TBC1D32: variants seen among roughly 807,000 people sequenced by gnomAD.
TBC1D32 encodes the protein TBC1 domain family member 32.
A neutral mutation model predicts 170.3 loss-of-function variants in TBC1D32; 151 were observed. The observed-to-expected ratio is 0.89, with a 90% CI of 0.78 to 1.01. TBC1D32 has a LOEUF of 1.01. Ranked by LOEUF, TBC1D32 falls within the 50% of genes least tolerant of loss-of-function variation. The pLI, the probability that TBC1D32 is intolerant of heterozygous loss-of-function variation, is 0.00. For missense variants in TBC1D32, 1,464 were observed against 1,457.1 expected, an observed-to-expected ratio of 1.00 and a Z score of -0.08; for synonymous variants, 498 against 488.0, an observed-to-expected ratio of 1.02 and a Z score of -0.27.
At chr6:121,170,729 C>A (rs943257273) in intron 22 of TBC1D32, among the ~76,000 whole-genome samples, 1 of 151,838 alleles carries the variant, frequency 6.6e-6, no homozygotes, top group Non-Finnish European at 1.5e-5. Context: ...TTTAAAAGAC[C>A]ATGGGTAATT....
intron 15 of TBC1D32, among the ~76,000 whole-genome samples, chr6:121,258,929 T>C (rs1444710166): frequency 6.6e-6 from 1 of 151,792 alleles, no homozygotes; most frequent in African/African-American, 2.4e-5. Context: ...AATCTAACAT[T>C]TTATGCCTTA....
intron 21 of TBC1D32, among the ~76,000 whole-genome samples, chr6:121,215,439 G>A (rs1793700002): frequency 6.6e-6 from 1 of 152,190 alleles, no homozygotes; most frequent in Non-Finnish European, 1.5e-5. Flanking sequence ...TGCTCCAGAT[G>A]GGCCACCACT....
chr6:121,232,930 A>C (rs1795924541), intron 20 of TBC1D32, among the ~76,000 whole-genome samples: 1 of 152,066 alleles, frequency 6.6e-6, no homozygotes, highest in South Asian at 2.1e-4. Context: ...TTGTTCAAAA[A>C]TGTTTTTAAT....
chr6:121,098,396 A>T (rs1222077449), intron 30 of TBC1D32, among the ~76,000 whole-genome samples: 1 of 151,886 alleles, frequency 6.6e-6, no homozygotes, highest in African/African-American at 2.4e-5. Context: ...TAAGGAAGAA[A>T]ACTAACTTTG....
chr6:121,140,281 C>A (rs778896099), intron 24 of TBC1D32, among the ~76,000 whole-genome samples: 1 of 151,116 alleles, frequency 6.6e-6, no homozygotes, highest in Non-Finnish European at 1.5e-5. Flanking sequence ...TACCTCCCCC[C>A]ACCCTGATCT....
intron 15 of TBC1D32, 64 bp from the exon 16 acceptor site, chr6:121,256,349 C>A: frequency 7.1e-7 from 1 of 1,399,224 alleles, no homozygotes; most frequent in Non-Finnish European, 9.7e-7. Context: ...AAAGCTCTAC[C>A]AAAAAGGCTA....
At chr6:121,085,379 A>C (rs1776155297) in intron 31 of TBC1D32, among the ~76,000 whole-genome samples, 1 of 147,484 alleles carries the variant, frequency 6.8e-6, no homozygotes, top group Non-Finnish European at 1.5e-5. Flanking sequence ...ATGTGTATAT[A>C]TATATATATA....
rs890048300 is a variant in TBC1D32, at chr6:121,288,832, T to C, written c.1372+3221A>G. Among the ~76,000 whole-genome samples, 10 of 152,194 alleles carry C rather than the reference T, an allele frequency of 6.6e-5. No homozygotes were observed. In the South Asian group the frequency reaches 1.7e-3, roughly 25 times the overall value. Reference sequence around the variant, plus strand: ...AATCAAGTGGGCTTCATCCCTGGGATGCAAGGCTGGTTCAACATACACAAA... The same window carrying C: ...AATCAAGTGGGCTTCATCCCTGGGACGCAAGGCTGGTTCAACATACACAAA... On this transcript the variant is annotated intron_variant, in intron 12 of 31. Coordinates refer to ENST00000398212, the MANE Select transcript of TBC1D32 (RefSeq NM_152730.6).
At position 121,241,617 on chromosome 6, in the gene TBC1D32, C is replaced by A; in HGVS notation, c.2158-65G>T. The stretch of plus-strand genomic sequence containing the variant: ...AACATGGCATGCTAACTAGACATTC[C>A]TTCAAGATGGTAAGAACTGCAAAAA... On this transcript the variant is annotated intron_variant, in intron 18 of 31. Transcript: ENST00000398212. 2.3e-6 allele frequency: 3 copies of A among 1,314,086 alleles called. No individual in the cohort carries two copies. In the South Asian group the frequency reaches 3.6e-5, roughly 16 times the overall value. 81.4% of individuals were successfully genotyped at this position (1,314,086 alleles called of 1,614,324 possible).
chr6:121,289,626 C>T (rs918084857), intron 12 of TBC1D32, among the ~76,000 whole-genome samples: 9 of 152,054 alleles, frequency 5.9e-5, no homozygotes, highest in East Asian at 1.9e-4. Context: ...AATGACTTTC[C>T]TCACAGAATT....
chr6:121,120,407 G>A (rs1481947841), intron 26 of TBC1D32, among the ~76,000 whole-genome samples: 1 of 151,990 alleles, frequency 6.6e-6, no homozygotes, highest in Non-Finnish European at 1.5e-5. Flanking sequence ...ATTTTCTACA[G>A]AAAATATGGT....
At chr6:121,111,568 G>A (rs2128196545) in intron 29 of TBC1D32, among the ~76,000 whole-genome samples, 1 of 152,200 alleles carries the variant, frequency 6.6e-6, no homozygotes, top group South Asian at 2.1e-4. Context: ...ACTAGTGCAT[G>A]CTTTTTTTGC....
chr6:121,301,978 C>G (rs191557531), intron 9 of TBC1D32, among the ~76,000 whole-genome samples: 56 of 152,060 alleles, frequency 3.7e-4, no homozygotes, highest in African/African-American at 1.3e-3. Flanking sequence ...TTTTGGTTAA[C>G]CAAAGGTTAA....
intron 8 of TBC1D32, 134 bp from the exon 9 acceptor site, chr6:121,303,895 A>C (rs1201335183): frequency 5.7e-6 from 3 of 524,232 alleles, no homozygotes; most frequent in African/African-American, 2.0e-5. Context: ...GGTAGGATTC[A>C]TACTCAATGT....
chr6:121,185,061 T>A (rs1000555609), intron 22 of TBC1D32, among the ~76,000 whole-genome samples: 3 of 151,872 alleles, frequency 2.0e-5, no homozygotes, highest in Non-Finnish European at 2.9e-5. Context: ...TTTTTTTTTT[T>A]AATTCTGAGC....
chr6:121,176,490 C>T (rs897437270), intron 22 of TBC1D32, among the ~76,000 whole-genome samples: 7 of 152,106 alleles, frequency 4.6e-5, no homozygotes, highest in Non-Finnish European at 7.3e-5. Context: ...AACATGATGC[C>T]ACAAGTGGAC....
At chr6:121,318,721 A>ATG (rs1323161891) in intron 2 of TBC1D32, among the ~76,000 whole-genome samples, 3 of 150,748 alleles carry the variant, frequency 2.0e-5, no homozygotes, top group Non-Finnish European at 4.4e-5. Context: ...ACATATGTTT[A>ATG]TGTGTATATA....
intron 24 of TBC1D32, among the ~76,000 whole-genome samples, chr6:121,158,216 T>G (rs1785159614): frequency 6.6e-6 from 1 of 152,168 alleles, no homozygotes; most frequent in Non-Finnish European, 1.5e-5. Context: ...TCTTTGTGTC[T>G]GACTTAGTTG....
chr6:121,299,461 C>A lies in TBC1D32; in HGVS notation c.1125G>T (p.Thr375=), dbSNP rs1267834236. ...ACAGACTTACCAGAGACTTATATTT[C>A]GTTTCAAGAAGTCTTAATACTGTAG... ...SRTTVLRLLE[T]KYKSLVTTAI... is the part of the protein sequence containing the mutation. Residue 375 remains threonine (T), a synonymous_variant, in exon 10 of 32, where the codon ACG becomes ACT. Transcript: ENST00000398212. The A allele has an allele frequency of 1.3e-6, 2 of 1,509,322 alleles. No homozygotes were observed. Among genetic ancestry groups the A allele is most frequent in the Non-Finnish European group, 1.8e-6 (2 of 1,102,906 alleles). 93.5% of individuals were successfully genotyped at this position (1,509,322 alleles called of 1,614,324 possible). A position where few individuals can be genotyped will look rare whatever the true frequency, so the allele number is the denominator to read the frequency against.
Sources: gnomAD v4.1 joint callset for allele counts (sites outside exome capture counted in the v4.1 genomes callset) on GRCh38, gnomAD v4.1.1 for gene constraint, MANE v1.5 for transcripts, NCBI Gene and HGNC (gene_info 2026-07-23, HGNC 2026-07-21) for gene names.